OLFM3: variants seen among roughly 807,000 people sequenced by gnomAD.
OLFM3 encodes the protein noelin-3.
OLFM3 carries 20 observed loss-of-function variants against 48.6 expected under a neutral mutation model. That is an observed-to-expected ratio of 0.41 (90% confidence interval 0.29 to 0.60). The LOEUF (loss-of-function observed/expected upper bound fraction) is 0.60, where lower values mean the gene tolerates loss of function less well. Among genes scored for constraint, OLFM3 ranks in the 20% least tolerant of loss-of-function variants. The probability of loss-of-function intolerance (pLI) is 0.28; values close to 1 mark genes in which losing one functional copy is unlikely to be tolerated. For missense variants in OLFM3, 437 were observed against 544.3 expected, an observed-to-expected ratio of 0.80 and a Z score of 1.96; for synonymous variants, 222 against 198.1, an observed-to-expected ratio of 1.12 and a Z score of -1.01.
intron 1 of OLFM3, among the ~76,000 whole-genome samples, chr1:101,874,630 TCA>T (rs1657224696): frequency 6.6e-6 from 1 of 151,970 alleles, no homozygotes; most frequent in African/African-American, 2.4e-5. Flanking sequence ...AACTTGTTAC[TCA>T]CATTCAGTAT....
intron 1 of OLFM3, among the ~76,000 whole-genome samples, chr1:101,899,838 T>G (rs1465108795): frequency 2.0e-5 from 3 of 152,174 alleles, no homozygotes; most frequent in Middle Eastern, 3.2e-3. Context: ...TTTTTTAATT[T>G]AACATTTAAC....
At position 101,830,803 on chromosome 1, in the gene OLFM3, C is replaced by A; in HGVS notation, c.241G>T (p.Glu81Ter). 1 of 1,613,866 alleles carries A rather than the reference C, an allele frequency of 6.2e-7. No individual in the cohort carries two copies. The highest frequency in any genetic ancestry group is 8.5e-7 in the Non-Finnish European group (1 of 1,179,826). ...EKVQNMSQSI[E>*]VLNLRTQRDF... Reference sequence around the variant, plus strand: ...CTCTGAGTTCTCAAGTTTAAGACTTCAATAGACTGGGACATGTTCTGAACC... The same window carrying A: ...CTCTGAGTTCTCAAGTTTAAGACTTAAATAGACTGGGACATGTTCTGAACC... Residue 81 changes from glutamate to a stop codon, truncating the protein, a stop_gained, in exon 3 of 6, where the codon GAA becomes TAA. Coordinates refer to ENST00000370103, the MANE Select transcript of OLFM3 (RefSeq NM_058170.4). LOFTEE classifies it high-confidence loss of function.
At chr1:101,895,412 T>TACACACACACACACAC (rs35047632) in intron 1 of OLFM3, among the ~76,000 whole-genome samples, 6 of 144,114 alleles carry the variant, frequency 4.2e-5, no homozygotes, top group African/African-American at 1.5e-4. Flanking sequence ...AGCTCAAGAA[T>TACACACACACACACAC]ACACACACAC....
intron 4 of OLFM3, among the ~76,000 whole-genome samples, chr1:101,814,816 A>G (rs997196664): frequency 1.3e-5 from 2 of 152,230 alleles, no homozygotes; most frequent in Non-Finnish European, 2.9e-5. Context: ...AAATATGGCT[A>G]CATGTTTAAA....
intron 1 of OLFM3, among the ~76,000 whole-genome samples, chr1:101,898,437 A>G (rs897120414): frequency 2.0e-5 from 3 of 152,222 alleles, no homozygotes; most frequent in African/African-American, 7.2e-5. Context: ...TGGGTGGTTA[A>G]ACATAACTGT....
At chr1:101,970,907 T>C (rs534572268) in intron 1 of OLFM3, among the ~76,000 whole-genome samples, 1 of 151,882 alleles carries the variant, frequency 6.6e-6, no homozygotes, top group Non-Finnish European at 1.5e-5. Context: ...ACAAAAATCA[T>C]GTTTTGAATG....
chr1:101,913,958 C>T (rs549133045), intron 1 of OLFM3, among the ~76,000 whole-genome samples: 1 of 152,078 alleles, frequency 6.6e-6, no homozygotes, highest in African/African-American at 2.4e-5. Flanking sequence ...AAATATATTA[C>T]CTGTATATTG....
intron 4 of OLFM3, among the ~76,000 whole-genome samples, chr1:101,822,056 A>T (rs1654630132): frequency 6.6e-6 from 1 of 152,144 alleles, no homozygotes. Context: ...GTTCAATAGG[A>T]AGAATAAAAA....
At chr1:101,993,069 A>G (rs1003580111) in intron 1 of OLFM3, among the ~76,000 whole-genome samples, 1 of 152,182 alleles carries the variant, frequency 6.6e-6, no homozygotes, top group Non-Finnish European at 1.5e-5. Context: ...TTATGAGACA[A>G]GTATGACTCA....
At chr1:101,897,842 A>G (rs930404789) in intron 1 of OLFM3, among the ~76,000 whole-genome samples, 3 of 152,136 alleles carry the variant, frequency 2.0e-5, no homozygotes, top group African/African-American at 4.8e-5. Context: ...TCTAGAGTAA[A>G]CAGAACTTTT....
intron 1 of OLFM3, among the ~76,000 whole-genome samples, chr1:101,969,195 T>G (rs1660706881): frequency 1.3e-5 from 2 of 152,202 alleles, no homozygotes; most frequent in African/African-American, 4.8e-5. Context: ...TCACCCAGGC[T>G]GGAATGCAAT....
intron 4 of OLFM3, among the ~76,000 whole-genome samples, chr1:101,806,657 G>A (rs1653791921): frequency 6.6e-6 from 1 of 151,548 alleles, no homozygotes; most frequent in African/African-American, 2.4e-5. Context: ...CAAAGAAGAA[G>A]CCCCCAAGAA....
intron 1 of OLFM3, among the ~76,000 whole-genome samples, chr1:101,949,260 T>C (rs1001949599): frequency 6.6e-6 from 1 of 152,154 alleles, no homozygotes; most frequent in African/African-American, 2.4e-5. Flanking sequence ...TGCTGGCTCT[T>C]TTTATCTTCT....
intron 1 of OLFM3, among the ~76,000 whole-genome samples, chr1:101,935,107 A>G (rs1367112470): frequency 6.6e-6 from 1 of 152,088 alleles, no homozygotes; most frequent in Non-Finnish European, 1.5e-5. Context: ...GAAGACAAGA[A>G]AAAACCAAAA....
chr1:101,950,540 G>A (rs1660111998), intron 1 of OLFM3, among the ~76,000 whole-genome samples: 1 of 151,142 alleles, frequency 6.6e-6, no homozygotes, highest in South Asian at 2.1e-4. Context: ...CCGGGTTCAC[G>A]CCATTCTCCT....
intron 4 of OLFM3, among the ~76,000 whole-genome samples, chr1:101,808,059 T>C (rs1653864197): frequency 6.6e-6 from 1 of 151,838 alleles, no homozygotes; most frequent in South Asian, 2.1e-4. Context: ...ACTGATGATA[T>C]GAGCATAACA....
At chr1:101,840,502 G>A (rs1269964245) in intron 1 of OLFM3, among the ~76,000 whole-genome samples, 1 of 147,388 alleles carries the variant, frequency 6.8e-6, no homozygotes, top group Admixed American at 6.8e-5. Context: ...ACAGGTTCTC[G>A]CTCTGTTGTC....
intron 1 of OLFM3, chr1:101,882,986 C>A (rs1657596464): frequency 6.6e-6 from 1 of 151,848 alleles, no homozygotes; most frequent in African/African-American, 2.4e-5. Flanking sequence ...CAGAATGTCT[C>A]TGGGCATAGT....
chr1:101,942,575 T>C (rs956365329), intron 1 of OLFM3, among the ~76,000 whole-genome samples: 1 of 152,234 alleles, frequency 6.6e-6, no homozygotes, highest in Non-Finnish European at 1.5e-5. Flanking sequence ...ATCATTGTTA[T>C]ATAGAACAGT....
Sources: allele counts gnomAD v4.1 joint callset (sites outside exome capture counted in the v4.1 genomes callset), GRCh38; gene constraint gnomAD v4.1.1; transcripts MANE v1.5; gene names NCBI Gene and HGNC (gene_info 2026-07-23, HGNC 2026-07-21).